The following MAP3K15 variants were observed in gnomAD, a reference collection of about 807,000 sequenced individuals.
The protein encoded by MAP3K15 is mitogen-activated protein kinase kinase kinase 15.
MAP3K15 carries 124 observed loss-of-function variants against 99.5 expected under a neutral mutation model. The observed-to-expected ratio is 1.25, with a 90% CI of 1.08 to 1.45. The LOEUF is 1.45. MAP3K15 is among the 40% of genes most tolerant of loss of function. MAP3K15 has a pLI of 0.00. For missense variants in MAP3K15, 1,242 were observed against 1,079.7 expected (o/e 1.15, Z -2.11); for synonymous variants, 494 against 439.6 (o/e 1.12, Z -1.55).
chrX:19,371,768 C>T (rs2063377086), intron 22 of MAP3K15, among the ~76,000 whole-genome samples: 1 of 110,828 alleles, frequency 9.0e-6, no homozygotes, highest in Admixed American at 9.7e-5. Context: ...TGTAAGAGCC[C>T]CCATCAAGGC....
intron 6 of MAP3K15, among the ~76,000 whole-genome samples, chrX:19,452,140 GA>G (rs1246200062): frequency 0.1 from 1 of 10 alleles, no homozygotes; most frequent in Non-Finnish European, 0.5. Flanking sequence ...GAAGAGAAGA[GA>G]AGAGAAGAGA....
At position 19,397,297 on chromosome X, in the gene MAP3K15, G is replaced by A. The variant is rs192717046; in HGVS notation, c.2066+929C>T. Among the ~76,000 whole-genome samples the A allele has an allele frequency of 2.9e-3, 321 of 111,823 alleles. 2 individuals carry two copies. The highest frequency in any genetic ancestry group is 0.01 in the African/African-American group (309 of 30,761). ...CAGTCCAAAATCCATGTGTGAGGGT[G>A]AAGGGTAGGATGTTAAAAAAAATTC... On this transcript the variant is annotated intron_variant, in intron 15 of 28. Transcript: ENST00000338883.
At chrX:19,470,021 T>C (rs79329245) in intron 3 of MAP3K15, among the ~76,000 whole-genome samples, 2,722 of 111,016 alleles carry the variant, frequency 0.025, 94 homozygotes, top group African/African-American at 0.084. Flanking sequence ...GAACTAGAAA[T>C]ACCATTTGAC....
intron 3 of MAP3K15, among the ~76,000 whole-genome samples, chrX:19,476,371 C>T (rs978181111): frequency 8.9e-6 from 1 of 111,838 alleles, no homozygotes; most frequent in Non-Finnish European, 1.9e-5. Context: ...TGAAAAAACA[C>T]AGAAGATTGT....
At chrX:19,417,986 G>C (rs980067900) in intron 9 of MAP3K15, among the ~76,000 whole-genome samples, 33 of 112,081 alleles carry the variant, frequency 2.9e-4, no homozygotes, top group Admixed American at 3.8e-4. Flanking sequence ...AGGGTCCTGA[G>C]TGTTAGAAGG....
intron 26 of MAP3K15, 66 bp from the exon 27 acceptor site, chrX:19,361,659 G>T: frequency 1.3e-6 from 1 of 760,392 alleles, no homozygotes; most frequent in Non-Finnish European, 2.0e-6. Context: ...TAACCAGTTG[G>T]ATTAATAAAT....
chrX:19,424,180 A>C (rs1199954312), intron 9 of MAP3K15, among the ~76,000 whole-genome samples: 1 of 107,675 alleles, frequency 9.3e-6, no homozygotes, highest in East Asian at 2.8e-4. Context: ...CCTTCCAGCA[A>C]ATCATGTATA....
Position 19,489,057 on chromosome X carries a change from A to C in MAP3K15, c.362-90T>G, listed in dbSNP as rs762535117. 332 of 835,464 alleles carry C rather than the reference A, an allele frequency of 4.0e-4. 2 individuals are homozygous for C. The highest frequency in any genetic ancestry group is 1.3e-4 in the Admixed American group (5 of 38,475). 68.9% of individuals were successfully genotyped at this position (835,464 alleles called of 1,213,427 possible). A position where few individuals can be genotyped will look rare whatever the true frequency, so the allele number is the denominator to read the frequency against. On this transcript the variant is annotated intron_variant, in intron 1 of 28. Coordinates refer to ENST00000338883, the MANE Select transcript of MAP3K15 (RefSeq NM_001001671.4). Reference sequence around the variant, plus strand: ...TGATCACCAGTGAGGAGCTATAGCAATGTGTATTTCTGTCATCAGCCTGTT... The same window carrying C: ...TGATCACCAGTGAGGAGCTATAGCACTGTGTATTTCTGTCATCAGCCTGTT...
chrX:19,418,687 A>C (rs866010442), intron 9 of MAP3K15, among the ~76,000 whole-genome samples: 2 of 110,560 alleles, frequency 1.8e-5, no homozygotes, highest in African/African-American at 3.3e-5. Flanking sequence ...AATACAGAGA[A>C]CACCACAAAG....
chrX:19,402,126 A>C (rs1408666758), intron 13 of MAP3K15, among the ~76,000 whole-genome samples: 1 of 91,557 alleles, frequency 1.1e-5, no homozygotes, highest in Non-Finnish European at 2.0e-5. Context: ...CCGTTTCTAC[A>C]ATTTTTTTTT....
chrX:19,502,772 A>T (rs1433201552), intron 1 of MAP3K15, among the ~76,000 whole-genome samples: 1 of 112,299 alleles, frequency 8.9e-6, no homozygotes, highest in African/African-American at 3.2e-5. Context: ...CGGCGAGCCA[A>T]GGTTGTGCCA....
chrX:19,437,897 G>A (rs1400185587), intron 6 of MAP3K15, among the ~76,000 whole-genome samples: 1 of 111,320 alleles, frequency 9.0e-6, no homozygotes, highest in African/African-American at 3.3e-5. Context: ...CCTCCTGTGT[G>A]GTCCTATAGT....
intron 25 of MAP3K15, among the ~76,000 whole-genome samples, chrX:19,364,320 C>T (rs1352667625): frequency 8.9e-6 from 1 of 112,184 alleles, no homozygotes; most frequent in East Asian, 2.8e-4. Flanking sequence ...CCAGCTCAGG[C>T]ATAGCATGCC....
intron 3 of MAP3K15, 112 bp downstream of exon 3, chrX:19,486,370 C>G (rs753196482): frequency 9.4e-6 from 3 of 317,915 alleles, no homozygotes; most frequent in East Asian, 5.4e-5. Context: ...ACACAACCCA[C>G]AGGCGTGATT....
chrX:19,475,801 C>T (rs1254753080), intron 3 of MAP3K15, among the ~76,000 whole-genome samples: 3 of 112,081 alleles, frequency 2.7e-5, no homozygotes, highest in Admixed American at 9.5e-5. Flanking sequence ...AATGAAGCTA[C>T]GCAATACCTG....
At chrX:19,408,143 CCA>C (rs754343781) in intron 12 of MAP3K15, among the ~76,000 whole-genome samples, 2 of 111,564 alleles carry the variant, frequency 1.8e-5, no homozygotes, top group African/African-American at 3.3e-5. Context: ...AAAGCAACCA[CCA>C]CAGTTAGTTG....
At chrX:19,513,270 G>T (rs1017815676) in intron 1 of MAP3K15, among the ~76,000 whole-genome samples, 1 of 111,656 alleles carries the variant, frequency 9.0e-6, no homozygotes, top group African/African-American at 3.3e-5. Flanking sequence ...CCCAGGGAAA[G>T]CAAAAGCCAC....
At chrX:19,468,967 T>G (rs1237280370) in intron 3 of MAP3K15, among the ~76,000 whole-genome samples, 2 of 111,805 alleles carry the variant, frequency 1.8e-5, no homozygotes, top group Non-Finnish European at 3.8e-5. Flanking sequence ...TGATTTTGTA[T>G]CCTGAGACTT....
chrX:19,428,994 G>T (rs904467977), intron 7 of MAP3K15, among the ~76,000 whole-genome samples: 1 of 110,582 alleles, frequency 9.0e-6, no homozygotes, highest in Non-Finnish European at 1.9e-5. Context: ...AAGGGCAAGA[G>T]AAATGAAACA....
Sources: gnomAD v4.1 joint callset for allele counts (sites outside exome capture counted in the v4.1 genomes callset) on GRCh38, gnomAD v4.1.1 for gene constraint, MANE v1.5 for transcripts, NCBI Gene and HGNC (gene_info 2026-07-23, HGNC 2026-07-21) for gene names.